The following C9orf85 variants were observed in gnomAD, a reference collection of about 807,000 sequenced individuals.
C9orf85 encodes the protein uncharacterized protein C9orf85.
A neutral mutation model predicts 14.9 loss-of-function variants in C9orf85; 16 were observed. The ratio of observed to expected loss-of-function variants is 1.08; its 90% CI spans 0.73 to 1.63. The LOEUF (loss-of-function observed/expected upper bound fraction) is 1.63, where lower values mean the gene tolerates loss of function less well. Among genes scored for constraint, C9orf85 ranks in the 40% most tolerant of loss-of-function variants. The pLI is 0.00. For synonymous variants in C9orf85, 45 were observed against 56.8 expected (o/e 0.79, Z 0.93); for missense variants, 172 against 186.1 (o/e 0.92, Z 0.44).
intron 1 of C9orf85, among the ~76,000 whole-genome samples, chr9:71,939,509 ATGT>A (rs1203402020): frequency 1.3e-5 from 2 of 152,162 alleles, no homozygotes; most frequent in African/African-American, 4.8e-5. Context: ...GAAAGATTGA[ATGT>A]TGTTAAGATG....
intron 1 of C9orf85, chr9:71,941,780 A>C (rs1564089907): frequency 1.3e-5 from 2 of 152,210 alleles, no homozygotes; most frequent in Non-Finnish European, 2.9e-5. Context: ...AGTGACATTA[A>C]GGAGTTATCT....
At chr9:71,937,704 AGAGAATATT>A in intron 1 of C9orf85, among the ~76,000 whole-genome samples, 1 of 152,286 alleles carries the variant, frequency 6.6e-6, no homozygotes, top group Non-Finnish European at 1.5e-5. Flanking sequence ...ACTAAACTTC[AGAGAATATT>A]ATTTTAGCTC....
chr9:71,954,113 G>GAAAA (rs1282466946), intron 2 of C9orf85, among the ~76,000 whole-genome samples: 1 of 26,794 alleles, frequency 3.7e-5, no homozygotes, highest in African/African-American at 7.0e-5. Context: ...ACCCCAGCTT[G>GAAAA]GAAAAAAAAA....
intron 2 of C9orf85, among the ~76,000 whole-genome samples, chr9:71,954,892 T>A (rs184633346): frequency 6.6e-6 from 1 of 152,326 alleles, no homozygotes; most frequent in East Asian, 1.9e-4. Flanking sequence ...CTGACAGTTA[T>A]GCCACCATAA....
chr9:71,978,440 G>T (rs145159986), downstream of C9orf85, among the ~76,000 whole-genome samples: 1 of 152,052 alleles, frequency 6.6e-6, no homozygotes, highest in Non-Finnish European at 1.5e-5. Context: ...TAGATCAAAT[G>T]TCTTTGAATT....
intron 1 of C9orf85, among the ~76,000 whole-genome samples, chr9:71,919,975 A>C (rs562845475): frequency 1.1e-3 from 170 of 150,952 alleles, no homozygotes; most frequent in Non-Finnish European, 2.0e-3. Context: ...TCAGCCTCCC[A>C]AGTAGCTGGG....
At chr9:71,963,369 G>A (rs762770732) in intron 2 of C9orf85, among the ~76,000 whole-genome samples, 2 of 152,024 alleles carry the variant, frequency 1.3e-5, no homozygotes, top group African/African-American at 2.4e-5. Flanking sequence ...GAGAGGTGAC[G>A]GCGTGCTGGC....
chr9:71,973,562 A>T (rs887072820), downstream of C9orf85: 1 of 152,204 alleles, frequency 6.6e-6, no homozygotes, highest in African/African-American at 2.4e-5. Context: ...TATATATTTC[A>T]TCACATTTTA....
rs185938697 is a variant in C9orf85, at chr9:71,946,657, G to A, written c.103-349G>A. Among the ~76,000 whole-genome samples the A allele has an allele frequency of 1.3e-3, 198 of 152,128 alleles. 1 individual carries two copies. Among genetic ancestry groups the A allele is most frequent in the African/African-American group, 4.7e-3 (194 of 41,512 alleles). ...AAATACAAAAAATTAGCTGGGCATG[G>A]TGGCACGCGCCTGTAATCCCAGCTA... is the stretch of plus-strand genomic sequence containing the variant. On this transcript the variant is annotated intron_variant, in intron 1 of 3. Transcript: ENST00000334731.
intron 1 of C9orf85, among the ~76,000 whole-genome samples, chr9:71,912,616 G>A (rs550414359): frequency 2.6e-5 from 4 of 151,996 alleles, no homozygotes; most frequent in East Asian, 1.9e-4. Context: ...GCGTGGTGGC[G>A]GGCGCTTGTA....
rs1225565132 is a variant in C9orf85, at chr9:71,943,980, A to G, written c.103-3026A>G. Among the ~76,000 whole-genome samples, 4 of 151,176 alleles carry G rather than the reference A, an allele frequency of 2.6e-5. No individual in the cohort carries two copies. In the South Asian group the frequency reaches 6.4e-4, roughly 24 times the overall value. Reference sequence around the variant, plus strand: ...GCCGGGTGCGGTGGCTCACGCCTATAATCCCAGCACTTTGGGAGGCCAAGG... The same window carrying G: ...GCCGGGTGCGGTGGCTCACGCCTATGATCCCAGCACTTTGGGAGGCCAAGG... On this transcript the variant is annotated intron_variant, in intron 1 of 3. Transcript: ENST00000334731.
In C9orf85 at chr9:71,973,128, G is replaced by A. The variant is rs752395400; in HGVS notation, c.*286G>A. On this transcript the variant is annotated 3_prime_UTR_variant, in exon 4 of 4. Coordinates refer to ENST00000334731, the MANE Select transcript of C9orf85 (RefSeq NM_182505.5). ...CCATTACACTCCAGCCTGGGTGACA[G>A]AGTGAGACTCTGTCTCAAAAAAAAT... is the stretch of plus-strand genomic sequence containing the variant. The A allele has an allele frequency of 1.2e-5, 2 of 169,246 alleles. No homozygotes were observed. Among genetic ancestry groups the A allele is most frequent in the Non-Finnish European group, 2.5e-5 (2 of 79,010 alleles). The allele number at this position is 169,246 out of a possible 1,614,324, so 10.5% of individuals were successfully genotyped here.
At chr9:71,969,951 C>CT (rs56239010) in intron 2 of C9orf85, among the ~76,000 whole-genome samples, 139,807 of 148,082 alleles carry the variant, frequency 0.94, 66,403 homozygotes, top group East Asian at 1. Context: ...AGGGTTTTTT[C>CT]TTTTTTTTTT....
chr9:71,922,321 C>A (rs1241617140), intron 1 of C9orf85, among the ~76,000 whole-genome samples: 1 of 152,124 alleles, frequency 6.6e-6, no homozygotes, highest in Non-Finnish European at 1.5e-5. Flanking sequence ...TAACCCGATG[C>A]AATTTTCCAA....
Position 71,962,001 on chromosome 9 carries a change from C to CA in C9orf85, c.210-9498dup, listed in dbSNP as rs1475897398. ...GCAACATAGTGAGACCCTGTCACTA[C>CA]AAAAAATAGAAAAAATTAGCTAGGC... On this transcript the variant is annotated intron_variant, in intron 2 of 3. Coordinates refer to ENST00000334731, the MANE Select transcript of C9orf85 (RefSeq NM_182505.5). Among the ~76,000 whole-genome samples the CA allele has an allele frequency of 2.6e-5, 4 of 152,028 alleles. No homozygotes were observed. The East Asian group carries it at 7.7e-4, about 29-fold the overall frequency.
intron 1 of C9orf85, among the ~76,000 whole-genome samples, chr9:71,922,536 T>C (rs1827838519): frequency 6.6e-6 from 1 of 152,214 alleles, no homozygotes; most frequent in Non-Finnish European, 1.5e-5. Flanking sequence ...CTCTCCCATG[T>C]AGAACCATTT....
At chr9:71,939,944 T>C (rs567005911) in intron 1 of C9orf85, among the ~76,000 whole-genome samples, 15 of 152,284 alleles carry the variant, frequency 9.9e-5, no homozygotes, top group Admixed American at 1.3e-4. Context: ...AAATAGATTA[T>C]AGACTAAATG....
In C9orf85 at chr9:71,941,685, G is replaced by A. The variant is rs1340072192; in HGVS notation, c.103-5321G>A. On this transcript the variant is annotated intron_variant, in intron 1 of 3. Transcript: ENST00000334731. The stretch of plus-strand genomic sequence containing the variant: ...TAACAGATATACAGTACTTGAATAC[G>A]GATTGATCCTGATTTGGAGAGGAAA... 2.6e-5 allele frequency: 4 copies of A among 152,134 alleles called. No homozygotes were observed. The South Asian group carries it at 6.2e-4, about 24-fold the overall frequency. The allele number at this position is 152,134 out of a possible 1,614,324, so 9.4% of individuals were successfully genotyped here. A position where few individuals can be genotyped will look rare whatever the true frequency, so the allele number is the denominator to read the frequency against.
At chr9:71,963,306 G>A (rs887351972) in intron 2 of C9orf85, among the ~76,000 whole-genome samples, 3 of 152,202 alleles carry the variant, frequency 2.0e-5, no homozygotes, top group African/African-American at 7.2e-5. Flanking sequence ...GAGCTCCCAA[G>A]ATGGTGGCAG....
Sources: allele counts gnomAD v4.1 joint callset (sites outside exome capture counted in the v4.1 genomes callset), GRCh38; gene constraint gnomAD v4.1.1; transcripts MANE v1.5; gene names NCBI Gene and HGNC (gene_info 2026-07-23, HGNC 2026-07-21).